Variants in LPP observed in about 807,000 individuals in gnomAD.
LPP encodes lipoma-preferred partner.
LPP carries 38 observed loss-of-function variants against 60.4 expected under a neutral mutation model. The observed-to-expected ratio is 0.63, with a 90% CI of 0.49 to 0.83. The LOEUF (loss-of-function observed/expected upper bound fraction) is 0.83. Ranked by LOEUF, LPP falls within the 40% of genes least tolerant of loss-of-function variation. The pLI is 0.00. For synonymous variants in LPP, 328 were observed against 290.8 expected, an observed-to-expected ratio of 1.13 and a Z score of -1.30; for missense variants, 902 against 783.6, an observed-to-expected ratio of 1.15 and a Z score of -1.80.
At chr3:188,579,829 G>A (rs1835639378) in intron 6 of LPP, among the ~76,000 whole-genome samples, 1 of 143,820 alleles carries the variant, frequency 7.0e-6, no homozygotes, top group East Asian at 2.2e-4. Context: ...GATTAGCCAG[G>A]CATGATGGCA....
At chr3:188,836,226 C>T (rs1011415106) in intron 9 of LPP, among the ~76,000 whole-genome samples, 1 of 152,212 alleles carries the variant, frequency 6.6e-6, no homozygotes, top group Non-Finnish European at 1.5e-5. Flanking sequence ...TTCTCCACAT[C>T]TTGAGCCTTA....
chr3:188,609,289 C>A lies in LPP; in HGVS notation c.558C>A (p.Pro186=). Reference sequence around the variant, plus strand: ...CTACATTGAAACCACAGCCTGCACCCCAGGCTGGACCCATCCCTGTGGCTC... The same window carrying A: ...CTACATTGAAACCACAGCCTGCACCACAGGCTGGACCCATCCCTGTGGCTC... ...KKSTLKPQPA[P]QAGPIPVAPI... Residue 186 remains proline, a synonymous_variant, in exon 7 of 12, where the codon CCC becomes CCA. Transcript: ENST00000617246. The surrounding 1 kb of genome is among the most constrained non-coding windows in gnomAD (Gnocchi z 6.9). 6.2e-7 allele frequency: 1 copy of A among 1,614,102 alleles called. No homozygotes were observed. Among genetic ancestry groups the A allele is most frequent in the Non-Finnish European group, 8.5e-7 (1 of 1,180,000 alleles).
chr3:188,261,201 T>G (rs1436036048), intron 2 of LPP, among the ~76,000 whole-genome samples: 2 of 152,236 alleles, frequency 1.3e-5, no homozygotes, highest in African/African-American at 4.8e-5. Context: ...CAGGCTGGAA[T>G]GCAGCAGCAC....
chr3:188,489,186 C>T (rs1035432906), intron 5 of LPP, among the ~76,000 whole-genome samples: 1 of 152,130 alleles, frequency 6.6e-6, no homozygotes, highest in African/African-American at 2.4e-5. Context: ...GGCAGTGCTG[C>T]AGGATAAGGA....
chr3:188,617,506 G>A (rs1458053704), intron 7 of LPP, among the ~76,000 whole-genome samples: 1 of 152,074 alleles, frequency 6.6e-6, no homozygotes, highest in African/African-American at 2.4e-5. Flanking sequence ...ATAGAAAATG[G>A]TTCCGATTCT....
intron 5 of LPP, among the ~76,000 whole-genome samples, chr3:188,509,795 C>T (rs1311256944): frequency 2.7e-5 from 4 of 150,430 alleles, no homozygotes; most frequent in East Asian, 2.0e-4. Flanking sequence ...TGGGTTCAAG[C>T]GATTCTCCTG....
chr3:188,158,741 C>T (rs1488544835), intron 1 of LPP, among the ~76,000 whole-genome samples: 1 of 152,194 alleles, frequency 6.6e-6, no homozygotes. Flanking sequence ...AATAAGGTTA[C>T]ACAACTACCA....
chr3:188,159,596 A>G (rs1332721501), intron 1 of LPP, among the ~76,000 whole-genome samples: 1 of 152,346 alleles, frequency 6.6e-6, no homozygotes, highest in South Asian at 2.1e-4. Flanking sequence ...TAGGCACTCC[A>G]GAAATACTTG....
intron 7 of LPP, among the ~76,000 whole-genome samples, chr3:188,683,242 G>A (rs887555797): frequency 2.0e-5 from 3 of 151,932 alleles, no homozygotes; most frequent in African/African-American, 7.3e-5. Context: ...ACATTCTCAA[G>A]TTTAGTTCTC....
In LPP at chr3:188,875,214, G is replaced by T; in HGVS notation, c.*735G>T. 1 of 217,670 alleles carries T rather than the reference G, an allele frequency of 4.6e-6. No individual in the cohort carries two copies. The highest frequency in any genetic ancestry group is 9.2e-6 in the Non-Finnish European group (1 of 108,334). 13.5% of individuals were successfully genotyped at this position (217,670 alleles called of 1,614,324 possible). On this transcript the variant is annotated 3_prime_UTR_variant, in exon 12 of 12. Coordinates refer to ENST00000617246, the MANE Select transcript of LPP (RefSeq NM_001375462.1). ...TCTAAAGAAATTACAGGTGGGATAT[G>T]CTAGAAAAGGCATTTTGGGGTTATG...
intron 2 of LPP, among the ~76,000 whole-genome samples, chr3:188,258,590 G>A (rs1004115049): frequency 4.6e-5 from 7 of 152,294 alleles, no homozygotes; most frequent in Middle Eastern, 3.4e-3. Flanking sequence ...CAAAGTGCTG[G>A]AATCATGGAG....
intron 5 of LPP, among the ~76,000 whole-genome samples, chr3:188,523,600 G>C (rs1283021444): frequency 6.6e-6 from 1 of 152,146 alleles, no homozygotes; most frequent in Non-Finnish European, 1.5e-5. Context: ...GCTACTTGTT[G>C]TTGTTACTGA....
intron 7 of LPP, among the ~76,000 whole-genome samples, chr3:188,673,685 A>G (rs1255987548): frequency 3.3e-5 from 5 of 152,084 alleles, no homozygotes; most frequent in South Asian, 2.1e-4. Context: ...TCCTCCAGAC[A>G]TAGAGAAAAT....
Position 188,874,494 on chromosome 3 carries a change from T to A in LPP, c.*15T>A. ...CTGACCTTTAGATTCAGTCACCTGT[T>A]CAGCCGGCACTGAGAAGAACGAACA... On this transcript the variant is annotated 3_prime_UTR_variant, in exon 12 of 12. Transcript: ENST00000617246. 1 of 1,612,716 alleles carries A rather than the reference T, an allele frequency of 6.2e-7. No homozygotes were observed. Among genetic ancestry groups the A allele is most frequent in the South Asian group, 1.1e-5 (1 of 91,014 alleles).
At chr3:188,823,180 A>G (rs1754470071) in intron 9 of LPP, among the ~76,000 whole-genome samples, 1 of 152,176 alleles carries the variant, frequency 6.6e-6, no homozygotes, top group African/African-American at 2.4e-5. Flanking sequence ...ATGGGTGAAA[A>G]TAAATGTTTT....
intron 3 of LPP, among the ~76,000 whole-genome samples, chr3:188,348,765 G>T (rs1303383895): frequency 6.6e-6 from 1 of 152,160 alleles, no homozygotes; most frequent in African/African-American, 2.4e-5. Context: ...ATTAGTGTTT[G>T]AGAAACATTC....
intron 9 of LPP, among the ~76,000 whole-genome samples, chr3:188,800,437 G>A (rs910523959): frequency 1.3e-5 from 2 of 151,682 alleles, no homozygotes; most frequent in Non-Finnish European, 2.9e-5. Flanking sequence ...AGTAGAGGTG[G>A]GGTTTCATCG....
At chr3:188,341,968 G>A (rs951827833) in intron 3 of LPP, among the ~76,000 whole-genome samples, 10 of 152,024 alleles carry the variant, frequency 6.6e-5, no homozygotes, top group African/African-American at 1.9e-4. Flanking sequence ...CCACACAGAC[G>A]ATTCAGATTT....
At chr3:188,688,594 T>C (rs1460662044) in intron 7 of LPP, among the ~76,000 whole-genome samples, 1 of 152,172 alleles carries the variant, frequency 6.6e-6, no homozygotes, top group East Asian at 1.9e-4. Flanking sequence ...TTCTAAGTAG[T>C]ACTCAGGAGT....
Sources: gnomAD v4.1 joint callset for allele counts (sites outside exome capture counted in the v4.1 genomes callset) on GRCh38, gnomAD v4.1.1 for gene constraint, Gnocchi (gnomAD v3.1) non-coding constraint, MANE v1.5 for transcripts, NCBI Gene and HGNC (gene_info 2026-07-23, HGNC 2026-07-21) for gene names.